Variants in XIRP2 observed in about 807,000 individuals in gnomAD.
XIRP2 encodes xin actin-binding repeat-containing protein 2.
A neutral mutation model predicts 277.0 loss-of-function variants in XIRP2; 236 were observed. The observed-to-expected ratio is 0.85, with a 90% confidence interval of 0.77 to 0.95. The LOEUF (loss-of-function observed/expected upper bound fraction) is 0.95. Ranked by LOEUF, XIRP2 falls within the 40% of genes least tolerant of loss-of-function variation. XIRP2 has a pLI of 0.00. For missense variants in XIRP2, 4,640 were observed against 4,157.5 expected (o/e 1.12, Z -3.19); for synonymous variants, 1,490 against 1,416.5 (o/e 1.05, Z -1.17).
At chr2:166,892,327 A>C (rs545017680) in intron 1 of XIRP2, among the ~76,000 whole-genome samples, 3 of 152,316 alleles carry the variant, frequency 2.0e-5, no homozygotes, top group African/African-American at 7.2e-5. Context: ...TGTGATCTCC[A>C]AAGCACACTG....
intron 2 of XIRP2, among the ~76,000 whole-genome samples, chr2:167,073,587 A>T (rs575959430): frequency 6.6e-6 from 1 of 152,236 alleles, no homozygotes; most frequent in East Asian, 1.9e-4. Flanking sequence ...TCTCATTAAG[A>T]TTCAGTCCTT....
At chr2:167,078,558 C>T (rs1342712239) in intron 2 of XIRP2, among the ~76,000 whole-genome samples, 5 of 151,962 alleles carry the variant, frequency 3.3e-5, no homozygotes, top group Admixed American at 6.6e-5. Context: ...AAAAACTGGC[C>T]GGGAGTGGTG....
At chr2:167,067,902 A>G (rs1689338829) in intron 2 of XIRP2, among the ~76,000 whole-genome samples, 1 of 152,116 alleles carries the variant, frequency 6.6e-6, no homozygotes, top group South Asian at 2.1e-4. Flanking sequence ...TGTAGTTTTC[A>G]GTTTTCCATA....
chr2:167,108,745 C>G (rs1164604987), intron 2 of XIRP2, among the ~76,000 whole-genome samples: 1 of 151,924 alleles, frequency 6.6e-6, no homozygotes, highest in African/African-American at 2.4e-5. Flanking sequence ...AATGTACACT[C>G]TTTAAAATGT....
chr2:167,173,290 C>T (rs749811843), intron 3 of XIRP2, among the ~76,000 whole-genome samples: 38 of 151,008 alleles, frequency 2.5e-4, no homozygotes, highest in Non-Finnish European at 3.7e-4. Context: ...CACTATGCTT[C>T]TCAGCCTCTG....
chr2:167,181,354 T>C (rs1693002739), intron 3 of XIRP2, among the ~76,000 whole-genome samples: 1 of 152,170 alleles, frequency 6.6e-6, no homozygotes, highest in African/African-American at 2.4e-5. Context: ...CAGTATGTCA[T>C]CCAAAACTGT....
chr2:167,258,672 A>G lies in XIRP2; in HGVS notation c.*855A>G, dbSNP rs777967368. ...AAAGAAAATTTGAATAAGAATAATA[A>G]TAACAATTATGTAGCAGTCTCATAT... On this transcript the variant is annotated 3_prime_UTR_variant, in exon 11 of 11. Transcript: ENST00000409195. 1.2e-6 allele frequency: 2 copies of G among 1,611,712 alleles called. No homozygotes were observed. The highest frequency in any genetic ancestry group is 1.7e-5 in the Admixed American group (1 of 59,656).
In XIRP2 at chr2:167,243,651, A is replaced by C; in HGVS notation, c.2259A>C (p.Glu753Asp). 1.2e-6 allele frequency: 2 copies of C among 1,614,066 alleles called. No individual in the cohort carries two copies. Among genetic ancestry groups the C allele is most frequent in the Non-Finnish European group, 1.7e-6 (2 of 1,179,984 alleles). Reference sequence around the variant, plus strand: ...GAGATGGTTCGGGCCAAATGCTGGAAATTAAAACTGTTCACAGAGAAGACG... The same window carrying C: ...GAGATGGTTCGGGCCAAATGCTGGACATTAAAACTGTTCACAGAGAAGACG... ...VIRDGSGQMLEIKTVHREDVE... is the reference protein window; with the variant it reads ...VIRDGSGQMLDIKTVHREDVE... Residue 753 changes from glutamate (E) to aspartate (D), a missense_variant, in exon 9 of 11, where the codon GAA becomes GAC. Transcript: ENST00000409195.
intron 2 of XIRP2, among the ~76,000 whole-genome samples, chr2:166,976,230 C>T (rs1238873084): frequency 6.6e-6 from 1 of 152,092 alleles, no homozygotes; most frequent in Admixed American, 6.6e-5. Flanking sequence ...TTGTTCATAT[C>T]TCCTTGTTAT....
intron 2 of XIRP2, among the ~76,000 whole-genome samples, chr2:166,932,831 G>A (rs1423917191): frequency 6.6e-6 from 1 of 151,946 alleles, no homozygotes; most frequent in Non-Finnish European, 1.5e-5. Flanking sequence ...GCCATGACAT[G>A]TTTGTCAAAA....
At chr2:167,060,990 A>T (rs1231031013) in intron 2 of XIRP2, among the ~76,000 whole-genome samples, 1 of 152,046 alleles carries the variant, frequency 6.6e-6, no homozygotes, top group Non-Finnish European at 1.5e-5. Context: ...GAACCTTCCT[A>T]TTTATGCTTA....
intron 2 of XIRP2, among the ~76,000 whole-genome samples, chr2:166,961,173 C>T (rs1686287290): frequency 6.6e-6 from 1 of 151,640 alleles, no homozygotes; most frequent in East Asian, 1.9e-4. Flanking sequence ...GAGAGCACAG[C>T]CATTAACAAG....
intron 3 of XIRP2, among the ~76,000 whole-genome samples, chr2:167,177,661 A>G (rs1370327527): frequency 6.6e-6 from 1 of 152,198 alleles, no homozygotes; most frequent in East Asian, 1.9e-4. Context: ...AAATTAATAT[A>G]TTCATATAAA....
chr2:167,001,227 TATC>T (rs1687359855), intron 2 of XIRP2, among the ~76,000 whole-genome samples: 1 of 152,112 alleles, frequency 6.6e-6, no homozygotes, highest in South Asian at 2.1e-4. Context: ...GCACTAAAAG[TATC>T]ATCAATAGCT....
intron 2 of XIRP2, among the ~76,000 whole-genome samples, chr2:167,085,904 A>T (rs961721297): frequency 3.9e-5 from 6 of 152,124 alleles, no homozygotes; most frequent in Admixed American, 1.3e-4. Flanking sequence ...CCAATTTGCC[A>T]GTCTGTGTCT....
intron 1 of XIRP2, among the ~76,000 whole-genome samples, chr2:166,899,264 A>T (rs1026899129): frequency 1.3e-5 from 2 of 152,148 alleles, no homozygotes; most frequent in Admixed American, 6.6e-5. Context: ...GTTTGAATGA[A>T]GTATAGAAAC....
At chr2:166,918,680 G>T (rs1558915990) in intron 2 of XIRP2, among the ~76,000 whole-genome samples, 1 of 152,116 alleles carries the variant, frequency 6.6e-6, no homozygotes, top group Non-Finnish European at 1.5e-5. Context: ...TCCTGGGCCA[G>T]AAAAGAGGAC....
At chr2:167,042,898 AGAATATACATTCTTCACT>A (rs796295598) in intron 2 of XIRP2, among the ~76,000 whole-genome samples, 32 of 152,182 alleles carry the variant, frequency 2.1e-4, no homozygotes, top group African/African-American at 6.3e-4. Flanking sequence ...CAACAACAAC[AGAATATACATTCTTCACT>A]GACCACTTGC....
chr2:167,020,866 C>A (rs1383037469), intron 2 of XIRP2, among the ~76,000 whole-genome samples: 5 of 151,950 alleles, frequency 3.3e-5, no homozygotes, highest in Admixed American at 3.3e-4. Flanking sequence ...TATTTCTACA[C>A]CTTAATTTAC....
Sources: gnomAD v4.1 joint callset for allele counts (sites outside exome capture counted in the v4.1 genomes callset) on GRCh38, gnomAD v4.1.1 for gene constraint, MANE v1.5 for transcripts, NCBI Gene and HGNC (gene_info 2026-07-23, HGNC 2026-07-21) for gene names.